Variants in LRRC7 observed in about 807,000 individuals in gnomAD.
The protein encoded by LRRC7 is leucine rich repeat containing 7, also known as leucine-rich repeat-containing protein 7.
Under a neutral mutation model 175.7 loss-of-function variants are expected in LRRC7, and 23 were observed. The observed-to-expected ratio is 0.13, with a 90% CI of 0.09 to 0.19. LRRC7 has a LOEUF of 0.19. Ranked by LOEUF, LRRC7 falls within the 10% of genes least tolerant of loss-of-function variation. The pLI is 1.00. For missense variants in LRRC7, 1,354 were observed against 1,904.7 expected (o/e 0.71, Z 5.38); for synonymous variants, 685 against 680.9 (o/e 1.01, Z -0.09).
At chr1:70,052,188 G>A (rs1660801534) in intron 22 of LRRC7, among the ~76,000 whole-genome samples, 1 of 151,906 alleles carries the variant, frequency 6.6e-6, no homozygotes, top group Non-Finnish European at 1.5e-5. Flanking sequence ...GAAAATATAT[G>A]TAAATATACC....
At chr1:69,620,167 A>T (rs1319844470) in intron 1 of LRRC7, among the ~76,000 whole-genome samples, 1 of 152,136 alleles carries the variant, frequency 6.6e-6, no homozygotes, top group Non-Finnish European at 1.5e-5. Flanking sequence ...AATTTGCAAC[A>T]TTCTTCTCAC....
At chr1:69,736,635 G>C (rs181707795) in intron 2 of LRRC7, among the ~76,000 whole-genome samples, 6 of 152,228 alleles carry the variant, frequency 3.9e-5, no homozygotes, top group Admixed American at 3.9e-4. Flanking sequence ...AAATGTGTGT[G>C]TGTGGTGAAT....
Position 69,845,882 on chromosome 1 carries a change from G to A in LRRC7, c.647+7599G>A, listed in dbSNP as rs145827623. Among the ~76,000 whole-genome samples, 655 of 152,078 alleles carry A rather than the reference G, an allele frequency of 4.3e-3. 6 individuals carry two copies. Among genetic ancestry groups the A allele is most frequent in the African/African-American group, 0.015 (614 of 41,510 alleles). On this transcript the variant is annotated intron_variant, in intron 7 of 26. Transcript: ENST00000651989. ...TGATTGTGTAATCATATTACCTTAC[G>A]CTTTTACCAATTTATATCAATTTAC...
chr1:70,054,578 C>CTTTTTTTTTTTTTTTTTTTTTTTTTT (rs35639787), intron 23 of LRRC7, among the ~76,000 whole-genome samples: 1 of 53,798 alleles, frequency 1.9e-5, no homozygotes, highest in Non-Finnish European at 3.5e-5. Context: ...TTACACTCTA[C>CTTTTTTTTTTTTTTTTTTTTTTTTTT]TTTTTTTTTT....
chr1:69,846,875 T>A (rs1285083880), intron 7 of LRRC7, among the ~76,000 whole-genome samples: 1 of 152,114 alleles, frequency 6.6e-6, no homozygotes, highest in African/African-American at 2.4e-5. Context: ...CATAAAAATA[T>A]CTTTATCATA....
At chr1:69,643,893 T>A (rs1224944804) in intron 1 of LRRC7, among the ~76,000 whole-genome samples, 2 of 152,064 alleles carry the variant, frequency 1.3e-5, no homozygotes, top group Non-Finnish European at 2.9e-5. Context: ...AGAAGATCCC[T>A]AAATGTCCTA....
At chr1:70,106,877 T>G (rs1482362396) in intron 25 of LRRC7, among the ~76,000 whole-genome samples, 1 of 152,246 alleles carries the variant, frequency 6.6e-6, no homozygotes, top group Non-Finnish European at 1.5e-5. Flanking sequence ...TCTTCTCCTC[T>G]TGGAAGAACC....
intron 7 of LRRC7, among the ~76,000 whole-genome samples, chr1:69,913,602 C>T (rs969963624): frequency 7.9e-5 from 12 of 152,044 alleles, no homozygotes; most frequent in African/African-American, 2.9e-4. Flanking sequence ...ACCTCCACCT[C>T]CCGGGTTCAA....
At chr1:70,110,238 G>A (rs1343606276) in intron 26 of LRRC7, among the ~76,000 whole-genome samples, 1 of 152,036 alleles carries the variant, frequency 6.6e-6, no homozygotes, top group Non-Finnish European at 1.5e-5. Context: ...AAATTAACCA[G>A]GTGCAGTGGT....
chr1:69,956,637 T>C (rs1312898206), intron 8 of LRRC7, among the ~76,000 whole-genome samples: 1 of 151,750 alleles, frequency 6.6e-6, no homozygotes. Context: ...AGTTACATCA[T>C]TTCTATTCTA....
intron 22 of LRRC7, among the ~76,000 whole-genome samples, chr1:70,045,851 A>T (rs1660286529): frequency 6.6e-6 from 1 of 152,064 alleles, no homozygotes. Context: ...CATTTATAAA[A>T]CCATCAGATC....
At chr1:69,969,271 C>T (rs535392404) in intron 8 of LRRC7, among the ~76,000 whole-genome samples, 1 of 152,180 alleles carries the variant, frequency 6.6e-6, no homozygotes, top group South Asian at 2.1e-4. Context: ...TGGAGTGGTA[C>T]CTCACATCTC....
chr1:69,915,927 T>C (rs1311212705), intron 7 of LRRC7, among the ~76,000 whole-genome samples: 4 of 149,072 alleles, frequency 2.7e-5, no homozygotes, highest in Non-Finnish European at 4.4e-5. Context: ...GGTTCAAAGA[T>C]GTTATTTAGC....
At position 69,838,166 on chromosome 1, in the gene LRRC7, T is replaced by G. The variant is rs1446086136; in HGVS notation, c.591-61T>G. 2.6e-6 allele frequency: 3 copies of G among 1,166,346 alleles called. No individual in the cohort carries two copies. The African/African-American group carries it at 4.6e-5, about 18-fold the overall frequency. The allele number at this position is 1,166,346 out of a possible 1,614,324, so 72.2% of individuals were successfully genotyped here. On this transcript the variant is annotated intron_variant, in intron 6 of 26. Coordinates refer to ENST00000651989, the MANE Select transcript of LRRC7 (RefSeq NM_001370785.2). ...CTATAGTGCTACCAAATACTAGATCTTATTCAATAATTTTTTAGACAGACA... is the reference window on the plus strand; with the variant it reads ...CTATAGTGCTACCAAATACTAGATCGTATTCAATAATTTTTTAGACAGACA...
intron 25 of LRRC7, among the ~76,000 whole-genome samples, chr1:70,090,685 G>A (rs78611828): frequency 0.026 from 3,908 of 151,884 alleles, 116 homozygotes; most frequent in African/African-American, 0.071. Context: ...GATGAAGAAG[G>A]AAAAAAATTA....
chr1:70,021,887 A>G (rs759630299), intron 16 of LRRC7, among the ~76,000 whole-genome samples: 1 of 152,184 alleles, frequency 6.6e-6, no homozygotes, highest in Non-Finnish European at 1.5e-5. Context: ...TTTACTTTTT[A>G]TAACATTGTA....
intron 7 of LRRC7, among the ~76,000 whole-genome samples, chr1:69,876,393 A>T (rs1355049975): frequency 6.6e-6 from 1 of 152,164 alleles, no homozygotes; most frequent in African/African-American, 2.4e-5. Context: ...TGCCACTAGC[A>T]ATCAATATAA....
intron 7 of LRRC7, among the ~76,000 whole-genome samples, chr1:69,890,063 A>T (rs1645787303): frequency 6.6e-6 from 1 of 152,152 alleles, no homozygotes; most frequent in African/African-American, 2.4e-5. Flanking sequence ...TTTCTTCCAA[A>T]CTTATGTTAA....
intron 4 of LRRC7, among the ~76,000 whole-genome samples, chr1:69,793,245 T>C (rs143291741): frequency 6.6e-6 from 1 of 152,196 alleles, no homozygotes; most frequent in Non-Finnish European, 1.5e-5. Context: ...AGGGCATGCC[T>C]AGAGAAGGAT....
Sources: allele counts gnomAD v4.1 joint callset (sites outside exome capture counted in the v4.1 genomes callset), GRCh38; gene constraint gnomAD v4.1.1; transcripts MANE v1.5; gene names NCBI Gene and HGNC (gene_info 2026-07-23, HGNC 2026-07-21).